Variants in ING2 observed in about 807,000 individuals in gnomAD.
ING2 encodes inhibitor of growth family member 2.
In ING2, 7 loss-of-function variants were observed where a neutral mutation model predicts 30.6. The ratio of observed to expected loss-of-function variants is 0.23; its 90% CI spans 0.13 to 0.43. ING2 has a LOEUF of 0.43. ING2 is among the 20% of genes least tolerant of loss of function. The probability of loss-of-function intolerance (pLI) is 1.00; values close to 1 mark genes in which losing one functional copy is unlikely to be tolerated. For synonymous variants in ING2, 136 were observed against 121.7 expected (o/e 1.12, Z -0.78); for missense variants, 239 against 334.9 (o/e 0.71, Z 2.24).
At chr4:183,510,149 T>C (rs1226871154) in intron 1 of ING2, 133 bp from the exon 2 acceptor site, 33 of 613,808 alleles carry the variant, frequency 5.4e-5, no homozygotes, top group Non-Finnish European at 7.4e-5. Context: ...TAGTTTTTAA[T>C]GTATATGTAC....
rs1734601935 is a variant in ING2, at chr4:183,505,145, C to T, written c.-51C>T. The T allele has an allele frequency of 1.9e-6, 3 of 1,549,180 alleles. No homozygotes were observed. Among genetic ancestry groups the T allele is most frequent in the Admixed American group, 1.9e-5 (1 of 52,762 alleles). On this transcript the variant is annotated 5_prime_UTR_variant, in exon 1 of 2. Coordinates refer to ENST00000302327, the MANE Select transcript of ING2 (RefSeq NM_001564.4). ...GGGCCCGCGGCGGCCGCGGCCGGTG[C>T]ATGTGCGGCTGCTGGATGCGGAGGC...
chr4:183,505,364 C>A lies in ING2; in HGVS notation c.169C>A (p.Gln57Lys). Residue 57 changes from glutamine (Q) to lysine (K), a missense_variant, in exon 1 of 2, where the codon CAA (glutamine) becomes AAA (lysine). Coordinates refer to ENST00000302327, the MANE Select transcript of ING2 (RefSeq NM_001564.4). ...GCTGCGAGAGCTGGACAACAAATAT[C>A]AAGGTAGGAGCCGCGGGGCTGCCGG... ...SVLRELDNKY[Q>K]ETLKEIDDVY... 6.5e-7 allele frequency: 1 copy of A among 1,535,408 alleles called. No homozygotes were observed. The highest frequency in any genetic ancestry group is 1.2e-5 in the South Asian group (1 of 83,086).
At position 183,510,332 on chromosome 4, in the gene ING2, G is replaced by A. The variant is rs778837184; in HGVS notation, c.223G>A (p.Asp75Asn). The stretch of plus-strand genomic sequence containing the variant: ...CTACGAAAAATATAAGAAAGAAGAT[G>A]ATTTAAACCAGAAGAAACGTCTACA... ...DVYEKYKKEDDLNQKKRLQQL... is the reference protein window; with the variant it reads ...DVYEKYKKEDNLNQKKRLQQL... The change falls in exon 2 of 2, where the codon GAT (aspartate) becomes AAT (asparagine). Residue 75 changes from aspartate (D) to asparagine (N), a missense_variant. Around this residue, in one of 5 missense-constraint regions of ING2, gnomAD observed 80 missense variants for 102.4 expected, o/e 0.78. Coordinates refer to ENST00000302327, the MANE Select transcript of ING2 (RefSeq NM_001564.4). 3 of 1,605,670 alleles carry A rather than the reference G, an allele frequency of 1.9e-6. No homozygotes were observed. In the South Asian group the frequency reaches 3.4e-5, roughly 18 times the overall value.
In ING2 at chr4:183,510,667, A is replaced by G; in HGVS notation, c.558A>G (p.Ala186=). The G allele has an allele frequency of 1.9e-6, 3 of 1,614,208 alleles. No homozygotes were observed. Among genetic ancestry groups the G allele is most frequent in the Non-Finnish European group, 2.5e-6 (3 of 1,180,018 alleles). Residue 186 remains alanine (A), a synonymous_variant, in exon 2 of 2, where the codon GCA becomes GCG. Transcript: ENST00000302327. ...CTAAAGAAAAGAAATCCAAGTCAGC[A>G]AAGAAAAAGAAACGCTCCAAGGCCA... The part of the protein sequence containing the change: ...QPPKEKKSKS[A]KKKKRSKAKQ...
chr4:183,509,343 G>C (rs570011436), intron 1 of ING2, among the ~76,000 whole-genome samples: 1 of 152,262 alleles, frequency 6.6e-6, no homozygotes, highest in South Asian at 2.1e-4. Context: ...TTTATATATA[G>C]GGTTGTTTTG....
Position 183,510,660 on chromosome 4 carries a change from A to G in ING2, c.551A>G (p.Lys184Arg), listed in dbSNP as rs371422218. 1.9e-6 allele frequency: 3 copies of G among 1,614,090 alleles called. No homozygotes were observed. The highest frequency in any genetic ancestry group is 3.3e-5 in the Admixed American group (2 of 60,016). ...CAGCCACCTAAAGAAAAGAAATCCA[A>G]GTCAGCAAAGAAAAAGAAACGCTCC... Reference protein sequence around the residue: ...DDQPPKEKKSKSAKKKKRSKA... With the variant: ...DDQPPKEKKSRSAKKKKRSKA... Residue 184 changes from lysine to arginine, a missense_variant, in exon 2 of 2, where the codon AAG becomes AGG. Lys to Arg is a conservative substitution (Grantham distance 26). This residue lies in a region of ING2 where 115 missense variants were observed against 120.1 expected (regional missense o/e 0.96). Coordinates refer to ENST00000302327, the MANE Select transcript of ING2 (RefSeq NM_001564.4).
At chr4:183,509,501 A>T (rs549977296) in intron 1 of ING2, among the ~76,000 whole-genome samples, 75 of 149,606 alleles carry the variant, frequency 5.0e-4, no homozygotes, top group Non-Finnish European at 8.4e-4. Context: ...GCTGGAGTGC[A>T]GTGGCGCGAT....
intron 1 of ING2, chr4:183,506,460 A>G (rs1734651856): frequency 2.0e-6 from 1 of 493,824 alleles, no homozygotes; most frequent in Non-Finnish European, 3.7e-6. Flanking sequence ...CGACCCGGGA[A>G]CCCGGGACAG....
chr4:183,506,314 T>C, intron 1 of ING2: 1 of 1,303,862 alleles, frequency 7.7e-7, no homozygotes, highest in Non-Finnish European at 1.0e-6. Flanking sequence ...GGATCCTGGC[T>C]CCGCGTAGGT....
At chr4:183,506,386 C>G in intron 1 of ING2, 1 of 1,093,578 alleles carries the variant, frequency 9.1e-7, no homozygotes, top group South Asian at 1.3e-5. Flanking sequence ...GGGCAACCGC[C>G]TGGCGTCCCC....
At position 183,511,635 on chromosome 4, in the gene ING2, GT is replaced by G. The variant is rs1391916694; in HGVS notation, c.*687del. On this transcript the variant is annotated 3_prime_UTR_variant, in exon 2 of 2. Transcript: ENST00000302327. Reference sequence around the variant, plus strand: ...GTGCTTAATAAGGGAGTTGTTTTGTGTTTTCTTTTAATTGGGACAGGTAAGA... The same window carrying G: ...GTGCTTAATAAGGGAGTTGTTTTGTGTTTCTTTTAATTGGGACAGGTAAGA... 1.3e-5 allele frequency among the ~76,000 whole-genome samples: 2 copies of G among 152,152 alleles called. No individual in the cohort carries two copies. Among genetic ancestry groups the G allele is most frequent in the African/African-American group, 4.8e-5 (2 of 41,440 alleles).
rs765122329 is a variant in ING2, at chr4:183,505,269, CCTG to C, written c.77_79del (p.Cys26del). 1 of 1,589,474 alleles carries C rather than the reference CCTG, an allele frequency of 6.3e-7. No individual in the cohort carries two copies. Among genetic ancestry groups the C allele is most frequent in the Non-Finnish European group, 8.6e-7 (1 of 1,169,234 alleles). On this transcript the variant is annotated inframe_deletion, in exon 1 of 2. Transcript: ENST00000302327. The stretch of plus-strand genomic sequence containing the variant: ...ACCGGGGAGCGGAGCCGGCTGCTCA[CCTG>C]CTACGTGCAGGACTACCTTGAGTGC...
At chr4:183,506,308 C>T (rs754935829) in intron 1 of ING2, 3 of 1,304,142 alleles carry the variant, frequency 2.3e-6, no homozygotes, top group South Asian at 1.2e-5. Flanking sequence ...CGTCGCGGAT[C>T]CTGGCTCCGC....
intron 1 of ING2, among the ~76,000 whole-genome samples, chr4:183,505,699 C>G (rs1734619443): frequency 6.6e-6 from 1 of 151,876 alleles, no homozygotes; most frequent in African/African-American, 2.4e-5. Flanking sequence ...CCTGCGGCCC[C>G]GGCCCGGGAC....
In ING2 at chr4:183,506,282, G is replaced by A. The variant is rs569492730; in HGVS notation, c.172+915G>A. 17 of 1,304,306 alleles carry A rather than the reference G, an allele frequency of 1.3e-5. No homozygotes were observed. In the South Asian group the frequency reaches 2.1e-4, roughly 16 times the overall value. 80.8% of individuals were successfully genotyped at this position (1,304,306 alleles called of 1,614,324 possible). A position where few individuals can be genotyped will look rare whatever the true frequency, so the allele number is the denominator to read the frequency against. On this transcript the variant is annotated intron_variant, in intron 1 of 1. Transcript: ENST00000302327. ...TTCCCAGTCAATGGATCAGGACGGC[G>A]ATCAGCAGCTCGGACCGTCGCGGAT... is the stretch of plus-strand genomic sequence containing the variant.
intron 1 of ING2, among the ~76,000 whole-genome samples, chr4:183,508,833 A>C (rs1734745853): frequency 6.6e-6 from 1 of 152,164 alleles, no homozygotes; most frequent in African/African-American, 2.4e-5. Context: ...ATCTTAAGTA[A>C]ATTTTTGGTG....
rs753596147 is a variant in ING2 at position 183,505,309 on chromosome 4, G to A, written c.114G>A (p.Leu38=). ...ACTACCTTGAGTGCGTGGAGTCGCT[G>A]CCCCACGACATGCAGAGGAACGTGT... ...VQDYLECVES[L]PHDMQRNVSV... The change falls in exon 1 of 2, where the codon CTG becomes CTA. Residue 38 remains leucine, a synonymous_variant. Coordinates refer to ENST00000302327, the MANE Select transcript of ING2 (RefSeq NM_001564.4). 1.9e-6 allele frequency: 3 copies of A among 1,559,870 alleles called. No homozygotes were observed. Among genetic ancestry groups the A allele is most frequent in the South Asian group, 1.2e-5 (1 of 84,950 alleles).
At chr4:183,506,144 TG>T in intron 1 of ING2, 1 of 1,248,518 alleles carries the variant, frequency 8.0e-7, no homozygotes, top group Non-Finnish European at 1.0e-6. Flanking sequence ...AGAGGGGCGG[TG>T]GCGAGCTGGC....
At position 183,510,338 on chromosome 4, in the gene ING2, A is replaced by T; in HGVS notation, c.229A>T (p.Asn77Tyr). 1 of 1,610,620 alleles carries T rather than the reference A, an allele frequency of 6.2e-7. No homozygotes were observed. Among genetic ancestry groups the T allele is most frequent in the Non-Finnish European group, 8.5e-7 (1 of 1,179,126 alleles). The change falls in exon 2 of 2, where the codon AAC becomes TAC. Residue 77 changes from asparagine (N) to tyrosine (Y), a missense_variant. Asn to Tyr is a moderately radical substitution (Grantham distance 143, BLOSUM62 -2). Around this residue, in one of 5 missense-constraint regions of ING2, gnomAD observed 80 missense variants for 102.4 expected, o/e 0.78. Transcript: ENST00000302327. ...YEKYKKEDDLNQKKRLQQLLQ... is the reference protein window; with the variant it reads ...YEKYKKEDDLYQKKRLQQLLQ... ...AAAATATAAGAAAGAAGATGATTTA[A>T]ACCAGAAGAAACGTCTACAGCAGCT... is the stretch of plus-strand genomic sequence containing the variant.
Sources: allele counts gnomAD v4.1 joint callset (sites outside exome capture counted in the v4.1 genomes callset), GRCh38; gene constraint gnomAD v4.1.1; regional missense constraint gnomAD v4.1.1; transcripts MANE v1.5; gene names NCBI Gene and HGNC (gene_info 2026-07-23, HGNC 2026-07-21).